PARP1: variants seen among roughly 807,000 people sequenced by gnomAD.
PARP1 encodes the protein poly(ADP-ribose) polymerase 1, also known as poly [ADP-ribose] polymerase 1.
PARP1 carries 44 observed loss-of-function variants against 118.7 expected under a neutral mutation model. The observed-to-expected ratio is 0.37, with a 90% confidence interval of 0.29 to 0.48. The LOEUF is 0.48. PARP1 is among the 20% of genes least tolerant of loss of function. The probability of loss-of-function intolerance (pLI) is 0.99; values close to 1 mark genes in which losing one functional copy is unlikely to be tolerated. For missense variants in PARP1, 1,100 were observed against 1,272.4 expected (o/e 0.86, Z 2.06); for synonymous variants, 492 against 483.2 (o/e 1.02, Z -0.24).
rs942175804 is a variant in PARP1, at chr1:226,397,254, G to C, written c.287-4940C>G. Among the ~76,000 whole-genome samples the C allele has an allele frequency of 1.7e-4, 26 of 151,906 alleles. 1 individual carries two copies. The highest frequency in any genetic ancestry group is 6.3e-4 in the African/African-American group (26 of 41,360). On this transcript the variant is annotated intron_variant, in intron 2 of 22. Transcript: ENST00000366794. Reference sequence around the variant, plus strand: ...GAGGATTGCTTGAGCCCAGGAGTTAGAAACTGCAGTGAGCTAAGATCATGC... The same window carrying C: ...GAGGATTGCTTGAGCCCAGGAGTTACAAACTGCAGTGAGCTAAGATCATGC...
chr1:226,377,163 T>C lies in PARP1; in HGVS notation c.1886A>G (p.Lys629Arg). 6.2e-7 allele frequency: 1 copy of C among 1,614,186 alleles called. No homozygotes were observed. The highest frequency in any genetic ancestry group is 2.2e-5 in the East Asian group (1 of 44,884). Residue 629 changes from lysine (K) to arginine (R), a missense_variant, in exon 13 of 23, where the codon AAA (lysine) becomes AGA (arginine). Physicochemically the swap from Lys to Arg is conservative, Grantham distance 26 (BLOSUM62 2). Transcript: ENST00000366794. ...EEKTGNAWHSKNFTKYPKKFY... is the reference protein window; with the variant it reads ...EEKTGNAWHSRNFTKYPKKFY... ...CTTTTTGGGATACTTCGTGAAATTT[T>C]TGGAGTGCCAAGCGTTCCCGGTTTT...
At chr1:226,397,274 T>C (rs1664942407) in intron 2 of PARP1, among the ~76,000 whole-genome samples, 1 of 151,948 alleles carries the variant, frequency 6.6e-6, no homozygotes, top group African/African-American at 2.4e-5. Flanking sequence ...TGAGCTAAGA[T>C]CATGCCGGTA....
chr1:226,374,128 T>C (rs1252267938), intron 14 of PARP1, 98 bp downstream of exon 14: 15 of 1,421,178 alleles, frequency 1.1e-5, no homozygotes, highest in Admixed American at 5.0e-5. Context: ...TGTATTGTTT[T>C]TGAAACAGAA....
intron 7 of PARP1, 75 bp from the exon 8 acceptor site, chr1:226,383,258 G>A (rs1190031345): frequency 1.7e-6 from 2 of 1,192,820 alleles, no homozygotes; most frequent in Non-Finnish European, 2.5e-6. Context: ...AAGAGGATTT[G>A]GCTTGTCCAA....
intron 1 of PARP1, among the ~76,000 whole-genome samples, chr1:226,406,157 CTG>C (rs1665142290): frequency 1.3e-5 from 2 of 149,604 alleles, no homozygotes; most frequent in African/African-American, 4.9e-5. Flanking sequence ...ATGAAAATAT[CTG>C]TAATTATCAC....
At chr1:226,372,567 C>T (rs781245896) in intron 14 of PARP1, among the ~76,000 whole-genome samples, 10 of 152,020 alleles carry the variant, frequency 6.6e-5, no homozygotes, top group African/African-American at 1.2e-4. Flanking sequence ...CCCAGCTACT[C>T]GGGAGGCTGA....
At chr1:226,363,265 C>T (rs1468335116) in intron 20 of PARP1, 105 bp from the exon 21 acceptor site, 2 of 833,984 alleles carry the variant, frequency 2.4e-6, no homozygotes, top group African/African-American at 3.3e-5. Context: ...GATAAAAGTC[C>T]ACAAAACCCA....
rs1384102435 is a variant in PARP1, at chr1:226,383,089, G to A, written c.1106C>T (p.Pro369Leu). The change falls in exon 8 of 23, where the codon CCT (proline) becomes CTT (leucine). Residue 369 changes from proline to leucine, a missense_variant. Around this residue, in one of 2 missense-constraint regions of PARP1, gnomAD observed 948 missense variants for 1,031.8 expected, o/e 0.92. Coordinates refer to ENST00000366794, the MANE Select transcript of PARP1 (RefSeq NM_001618.4). ...AGGAGCCGAGGCTGTGGAGGGCGGA[G>A]GCGTGGCCGCCACGGAGGCGCTGGT... ...PETSASVAAT[P>L]PPSTASAPAA... The A allele has an allele frequency of 6.2e-7, 1 of 1,613,096 alleles. No homozygotes were observed. The highest frequency in any genetic ancestry group is 8.5e-7 in the Non-Finnish European group (1 of 1,179,972).
chr1:226,398,229 T>G (rs575290820), intron 2 of PARP1, among the ~76,000 whole-genome samples: 3 of 152,258 alleles, frequency 2.0e-5, no homozygotes, highest in African/African-American at 7.2e-5. Flanking sequence ...AAAAATATTT[T>G]CAAAAGACAT....
At chr1:226,394,333 G>A (rs774497613) in intron 2 of PARP1, among the ~76,000 whole-genome samples, 1 of 152,210 alleles carries the variant, frequency 6.6e-6, no homozygotes, top group Admixed American at 6.5e-5. Flanking sequence ...CTCTAGCCTT[G>A]GGTGACAGAG....
At chr1:226,398,750 A>G (rs1295185824) in intron 2 of PARP1, among the ~76,000 whole-genome samples, 1 of 152,258 alleles carries the variant, frequency 6.6e-6, no homozygotes, top group African/African-American at 2.4e-5. Context: ...ACGAACTCTC[A>G]TCTATTGCTG....
rs1558237240 is a variant in PARP1 at position 226,379,966 on chromosome 1, C to T, written c.1499G>A (p.Gly500Glu). 1 of 1,614,154 alleles carries T rather than the reference C, an allele frequency of 6.2e-7. No homozygotes were observed. The highest frequency in any genetic ancestry group is 8.5e-7 in the Non-Finnish European group (1 of 1,180,028). ...VEVVAPRGKS[G>E]AALSKKSKGQ... ...CTTGCTTTTTTTGGAGAGCGCAGCC[C>T]CTGACTTCCCTCTTGGGGCCACAAC... The change falls in exon 10 of 23, where the codon GGG becomes GAG. Residue 500 changes from glycine (G) to glutamate (E), a missense_variant. Physicochemically the swap from Gly to Glu is moderately conservative, Grantham distance 98. Around this residue, in one of 2 missense-constraint regions of PARP1, gnomAD observed 948 missense variants for 1,031.8 expected, o/e 0.92. Coordinates refer to ENST00000366794, the MANE Select transcript of PARP1 (RefSeq NM_001618.4).
chr1:226,398,202 C>G (rs192813755), intron 2 of PARP1, among the ~76,000 whole-genome samples: 1 of 152,208 alleles, frequency 6.6e-6, no homozygotes. Flanking sequence ...CTGCGGAAGA[C>G]CAGCCACACA....
chr1:226,371,971 AG>A (rs1664392483), intron 14 of PARP1, among the ~76,000 whole-genome samples: 1 of 152,230 alleles, frequency 6.6e-6, no homozygotes, highest in South Asian at 2.1e-4. Flanking sequence ...GTGGCTCCAC[AG>A]CTGCCCAGTT....
intron 1 of PARP1, among the ~76,000 whole-genome samples, chr1:226,403,064 C>T (rs948223627): frequency 5.3e-5 from 8 of 152,180 alleles, no homozygotes; most frequent in African/African-American, 1.4e-4. Flanking sequence ...CCTTCTGGGG[C>T]GCAGTTTCCC....
intron 12 of PARP1, 47 bp downstream of exon 12, chr1:226,379,095 G>T (rs776996674): frequency 6.2e-7 from 1 of 1,612,404 alleles, no homozygotes; most frequent in Non-Finnish European, 8.5e-7. Context: ...ACCAATGCAG[G>T]ACGGGCCCAT....
At chr1:226,397,087 G>T (rs1412150871) in intron 2 of PARP1, among the ~76,000 whole-genome samples, 1 of 149,238 alleles carries the variant, frequency 6.7e-6, no homozygotes, top group Non-Finnish European at 1.5e-5. Flanking sequence ...CCAAGAGTTT[G>T]AGACCAGCCT....
chr1:226,375,539 T>C (rs992569552), intron 13 of PARP1, among the ~76,000 whole-genome samples: 4 of 152,174 alleles, frequency 2.6e-5, no homozygotes, highest in African/African-American at 9.7e-5. Flanking sequence ...GCCAATACAG[T>C]AGCCACTGGC....
intron 7 of PARP1, among the ~76,000 whole-genome samples, chr1:226,383,640 A>G (rs1664663048): frequency 6.6e-6 from 1 of 152,210 alleles, no homozygotes; most frequent in African/African-American, 2.4e-5. Context: ...ACCCAAAAGG[A>G]AATCACAGTA....
Sources: gnomAD v4.1 joint callset for allele counts (sites outside exome capture counted in the v4.1 genomes callset) on GRCh38, gnomAD v4.1.1 for gene constraint, gnomAD v4.1.1 regional missense constraint, MANE v1.5 for transcripts, NCBI Gene and HGNC (gene_info 2026-07-23, HGNC 2026-07-21) for gene names.